The following ARHGAP24 variants were observed in gnomAD, a reference collection of about 807,000 sequenced individuals.
ARHGAP24 encodes Rho GTPase activating protein 24, also known as rho GTPase-activating protein 24.
In ARHGAP24, 50 loss-of-function variants were observed where a neutral mutation model predicts 76.4. That is an observed-to-expected ratio of 0.65 (90% CI 0.52 to 0.83). The LOEUF (loss-of-function observed/expected upper bound fraction) is 0.83. Ranked by LOEUF, ARHGAP24 falls within the 40% of genes least tolerant of loss-of-function variation. ARHGAP24 has a pLI of 0.00. For missense variants in ARHGAP24, 930 were observed against 914.2 expected (o/e 1.02, Z -0.22); for synonymous variants, 345 against 323.3 (o/e 1.07, Z -0.72).
intron 3 of ARHGAP24, among the ~76,000 whole-genome samples, chr4:85,738,180 C>T (rs889206786): frequency 6.6e-6 from 1 of 152,106 alleles, no homozygotes; most frequent in African/African-American, 2.4e-5. Flanking sequence ...CTTGGCCTCC[C>T]AGAGTACATC....
rs1731235271 is a variant in ARHGAP24, at chr4:85,851,573, G to A, written c.269-72075G>A. Among the ~76,000 whole-genome samples the A allele has an allele frequency of 2.0e-5, 3 of 152,168 alleles. No individual in the cohort carries two copies. The South Asian group carries it at 6.2e-4, about 32-fold the overall frequency. On this transcript the variant is annotated intron_variant, in intron 3 of 9. Coordinates refer to ENST00000395184, the MANE Select transcript of ARHGAP24 (RefSeq NM_001025616.3). ...GGTCTTTACAATTTGGCCTGTTTTTGCAGTGGCTGGTACCAGTTGTTCCTT... is the reference window on the plus strand; with the variant it reads ...GGTCTTTACAATTTGGCCTGTTTTTACAGTGGCTGGTACCAGTTGTTCCTT...
chr4:85,992,156 T>C (rs150463078), intron 8 of ARHGAP24: 9 of 397,746 alleles, frequency 2.3e-5, no homozygotes, highest in African/African-American at 4.1e-5. Flanking sequence ...ATGTTCCTCA[T>C]TGGCATTCTA....
At chr4:85,966,760 T>G (rs1382086802) in intron 5 of ARHGAP24, among the ~76,000 whole-genome samples, 1 of 152,134 alleles carries the variant, frequency 6.6e-6, no homozygotes, top group African/African-American at 2.4e-5. Flanking sequence ...CTGATGGATA[T>G]GACATTATTA....
At position 85,994,839 on chromosome 4, in the gene ARHGAP24, A is replaced by G; in HGVS notation, c.1185A>G (p.Leu395=). 1 of 1,614,166 alleles carries G rather than the reference A, an allele frequency of 6.2e-7. No homozygotes were observed. The highest frequency in any genetic ancestry group is 8.5e-7 in the Non-Finnish European group (1 of 1,180,016). The change falls in exon 9 of 10, where the codon CTA becomes CTG. Residue 395 remains leucine (L), a synonymous_variant. Transcript: ENST00000395184. ...SSMNNGSPTA[L]SGSKTNSPKN... ...TGAACAATGGATCCCCCACAGCTCT[A>G]TCAGGCAGCAAAACCAACAGCCCAA... is the stretch of plus-strand genomic sequence containing the variant.
At chr4:85,898,474 T>A in intron 3 of ARHGAP24, among the ~76,000 whole-genome samples, 1 of 152,180 alleles carries the variant, frequency 6.6e-6, no homozygotes, top group Non-Finnish European at 1.5e-5. Flanking sequence ...AGGCTGAAAC[T>A]GATGAGATGC....
intron 5 of ARHGAP24, among the ~76,000 whole-genome samples, chr4:85,960,550 T>C (rs192386760): frequency 5.5e-4 from 83 of 152,242 alleles, no homozygotes; most frequent in Non-Finnish European, 9.7e-4. Context: ...CCTAGAATAA[T>C]GTCTGATATA....
chr4:85,930,682 G>GA lies in ARHGAP24; in HGVS notation c.391+6922dup, dbSNP rs201198279. 0.012 allele frequency: 12,676 copies of GA among 1,054,400 alleles called. 53 individuals carry two copies. Among genetic ancestry groups the GA allele is most frequent in the African/African-American group, 0.046 (2,730 of 58,732 alleles). The allele number at this position is 1,054,400 out of a possible 1,614,324, so 65.3% of individuals were successfully genotyped here. ...AATGTCTGCAGAAACTTAAAAAAAA[G>GA]AAAAAAAAAACCTTAAAAACTCCCT... On this transcript the variant is annotated intron_variant, in intron 4 of 9. Transcript: ENST00000395184.
intron 3 of ARHGAP24, among the ~76,000 whole-genome samples, chr4:85,800,730 A>G (rs767336334): frequency 6.6e-6 from 1 of 152,248 alleles, no homozygotes; most frequent in Non-Finnish European, 1.5e-5. Context: ...AACAGTCTAC[A>G]TTGAAACAAT....
intron 1 of ARHGAP24, among the ~76,000 whole-genome samples, chr4:85,549,717 G>A (rs1726054603): frequency 6.6e-6 from 1 of 152,158 alleles, no homozygotes. Flanking sequence ...CAGGTAATAA[G>A]CACAGTGCTC....
rs1560529665 is a variant in ARHGAP24 at position 85,552,432 on chromosome 4, T to C, written c.-20-18090T>C. Among the ~76,000 whole-genome samples, 3 of 152,192 alleles carry C rather than the reference T, an allele frequency of 2.0e-5. No individual in the cohort carries two copies. The East Asian group carries it at 5.8e-4, about 29-fold the overall frequency. ...TTTTTTGAATTTGTTGATTGTTTTA[T>C]GTCCAATTGTGTGGTTGATTGTAGA... On this transcript the variant is annotated intron_variant, in intron 1 of 9. Coordinates refer to ENST00000395184, the MANE Select transcript of ARHGAP24 (RefSeq NM_001025616.3).
chr4:85,667,885 GA>G (rs1722693246), intron 2 of ARHGAP24, among the ~76,000 whole-genome samples: 1 of 152,070 alleles, frequency 6.6e-6, no homozygotes, highest in Admixed American at 6.5e-5. Context: ...TTGATGTCAA[GA>G]AACAAGGAAA....
At chr4:85,942,336 A>G (rs1024194647) in intron 5 of ARHGAP24, 63 bp downstream of exon 5, 23 of 1,561,128 alleles carry the variant, frequency 1.5e-5, no homozygotes, top group Admixed American at 3.3e-5. Flanking sequence ...GACAGGATGC[A>G]GTGAGCTGAG....
chr4:85,912,271 G>A (rs890528708), intron 3 of ARHGAP24, among the ~76,000 whole-genome samples: 1 of 152,042 alleles, frequency 6.6e-6, no homozygotes, highest in Admixed American at 6.5e-5. Flanking sequence ...ATGAAGCAGC[G>A]TGCCTTTATC....
intron 5 of ARHGAP24, among the ~76,000 whole-genome samples, chr4:85,942,826 T>C (rs1264914221): frequency 6.6e-6 from 1 of 152,126 alleles, no homozygotes; most frequent in Non-Finnish European, 1.5e-5. Flanking sequence ...CTAACTCCAC[T>C]AATAAAGAGT....
chr4:85,480,558 CG>C (rs1398052545), intron 1 of ARHGAP24, among the ~76,000 whole-genome samples: 1 of 152,118 alleles, frequency 6.6e-6, no homozygotes, highest in Non-Finnish European at 1.5e-5. Flanking sequence ...AGTTACATCA[CG>C]TTTTTTTCTT....
At chr4:85,650,132 C>CG (rs1385436337) in intron 2 of ARHGAP24, among the ~76,000 whole-genome samples, 1 of 151,938 alleles carries the variant, frequency 6.6e-6, no homozygotes, top group Admixed American at 6.6e-5. Flanking sequence ...TCCATAAATG[C>CG]TATCCAGCAT....
intron 4 of ARHGAP24, among the ~76,000 whole-genome samples, chr4:85,924,338 C>T (rs531809799): frequency 6.6e-6 from 1 of 150,896 alleles, no homozygotes; most frequent in South Asian, 2.1e-4. Flanking sequence ...AGGTGCTATG[C>T]ATAGAACTGA....
intron 3 of ARHGAP24, among the ~76,000 whole-genome samples, chr4:85,729,456 T>G (rs539637529): frequency 1.2e-4 from 18 of 152,340 alleles, no homozygotes; most frequent in African/African-American, 3.6e-4. Flanking sequence ...TCCTTTGGAA[T>G]TCTGGCTAAT....
At chr4:85,909,161 A>G (rs1218970704) in intron 3 of ARHGAP24, among the ~76,000 whole-genome samples, 1 of 152,210 alleles carries the variant, frequency 6.6e-6, no homozygotes, top group African/African-American at 2.4e-5. Context: ...GGTTTTTTCA[A>G]TATCTAAAAT....
Sources: allele counts gnomAD v4.1 joint callset (sites outside exome capture counted in the v4.1 genomes callset), GRCh38; gene constraint gnomAD v4.1.1; transcripts MANE v1.5; gene names NCBI Gene and HGNC (gene_info 2026-07-23, HGNC 2026-07-21).